RFTN2: variants seen among roughly 807,000 people sequenced by gnomAD.
The protein encoded by RFTN2 is raftlin-2.
In RFTN2, 34 loss-of-function variants were observed where a neutral mutation model predicts 52.7. That is an observed-to-expected ratio of 0.64 (90% CI 0.49 to 0.86). The LOEUF is 0.86. Among genes scored for constraint, RFTN2 ranks in the 40% least tolerant of loss-of-function variants. The pLI, the probability that RFTN2 is intolerant of heterozygous loss-of-function variation, is 0.00. For synonymous variants in RFTN2, 203 were observed against 217.7 expected, an observed-to-expected ratio of 0.93 and a Z score of 0.59; for missense variants, 536 against 600.1, an observed-to-expected ratio of 0.89 and a Z score of 1.12.
intron 5 of RFTN2, among the ~76,000 whole-genome samples, chr2:197,620,594 CATT>C (rs1223544153): frequency 1.3e-5 from 2 of 152,114 alleles, no homozygotes; most frequent in Non-Finnish European, 2.9e-5. Flanking sequence ...AGAGATAAAT[CATT>C]ATTATTATTT....
intron 3 of RFTN2, among the ~76,000 whole-genome samples, chr2:197,635,128 G>A (rs200652413): frequency 6.6e-6 from 1 of 151,630 alleles, no homozygotes; most frequent in Admixed American, 6.6e-5. Context: ...TCTTAATCCA[G>A]TCTATGATTG....
At chr2:197,656,101 G>A (rs1291036084) in intron 1 of RFTN2, among the ~76,000 whole-genome samples, 1 of 152,112 alleles carries the variant, frequency 6.6e-6, no homozygotes, top group Admixed American at 6.6e-5. Flanking sequence ...CCAGACTTCC[G>A]GGATCCAAAT....
chr2:197,573,064 G>A (rs1381667378), intron 8 of RFTN2, among the ~76,000 whole-genome samples: 2 of 150,346 alleles, frequency 1.3e-5, no homozygotes, highest in East Asian at 2.0e-4. Context: ...TTAGCAGGAT[G>A]AGAACAGACT....
At chr2:197,580,427 C>T (rs964786394) in intron 8 of RFTN2, among the ~76,000 whole-genome samples, 8 of 152,210 alleles carry the variant, frequency 5.3e-5, no homozygotes, top group African/African-American at 1.2e-4. Context: ...AAGGAATGCC[C>T]GCAGCCTGGG....
At chr2:197,611,029 T>G (rs2106205170) in intron 7 of RFTN2, among the ~76,000 whole-genome samples, 1 of 152,220 alleles carries the variant, frequency 6.6e-6, no homozygotes, top group African/African-American at 2.4e-5. Flanking sequence ...ATTTTATTGA[T>G]GAGCTTCATA....
At chr2:197,590,790 G>A (rs946060501) in intron 8 of RFTN2, among the ~76,000 whole-genome samples, 6 of 152,198 alleles carry the variant, frequency 3.9e-5, no homozygotes, top group Non-Finnish European at 7.3e-5. Flanking sequence ...CGTTCCTCCC[G>A]GTGGGTTCGT....
rs1263047328 is a variant in RFTN2, at chr2:197,606,970, C to A, written c.1154+8906G>T. ...AGAAATACTATTTGACTCAGCAATC[C>A]CATTACTGGGTATATACCCAAAGGA... On this transcript the variant is annotated intron_variant, in intron 7 of 8. Coordinates refer to ENST00000295049, the MANE Select transcript of RFTN2 (RefSeq NM_144629.3). Among the ~76,000 whole-genome samples, 4 of 152,280 alleles carry A rather than the reference C, an allele frequency of 2.6e-5. No homozygotes were observed. The South Asian group carries it at 8.3e-4, about 32-fold the overall frequency.
chr2:197,571,093 A>C lies in RFTN2; in HGVS notation c.*915T>G, dbSNP rs1198441701. Reference sequence around the variant, plus strand: ...TCGCGTGTGCTATGAGCATCTTTCTACTCCTGCCAGATTGAAAATTCTAGG... The same window carrying C: ...TCGCGTGTGCTATGAGCATCTTTCTCCTCCTGCCAGATTGAAAATTCTAGG... On this transcript the variant is annotated 3_prime_UTR_variant, in exon 9 of 9. Transcript: ENST00000295049. The C allele has an allele frequency of 6.6e-6, 1 of 152,336 alleles. No homozygotes were observed. Among genetic ancestry groups the C allele is most frequent in the Non-Finnish European group, 1.5e-5 (1 of 68,032 alleles). 9.4% of individuals were successfully genotyped at this position (152,336 alleles called of 1,614,324 possible). A position where few individuals can be genotyped will look rare whatever the true frequency, so the allele number is the denominator to read the frequency against.
At chr2:197,586,517 C>CGA (rs2087600925) in intron 8 of RFTN2, among the ~76,000 whole-genome samples, 1 of 152,232 alleles carries the variant, frequency 6.6e-6, no homozygotes. Context: ...CAGGCACATG[C>CGA]ACATTAATTT....
chr2:197,660,855 G>A (rs778251157), intron 1 of RFTN2, among the ~76,000 whole-genome samples: 4 of 151,952 alleles, frequency 2.6e-5, no homozygotes, highest in African/African-American at 4.8e-5. Flanking sequence ...CACTGCGCCC[G>A]GCCAAGTATT....
chr2:197,670,977 C>T (rs2089140337), intron 1 of RFTN2, among the ~76,000 whole-genome samples: 2 of 152,298 alleles, frequency 1.3e-5, no homozygotes, highest in South Asian at 2.1e-4. Context: ...ATATCTACCC[C>T]TTGTATCCTA....
At position 197,647,399 on chromosome 2, in the gene RFTN2, G is replaced by A. The variant is rs541313792; in HGVS notation, c.140-733C>T. 2.8e-3 allele frequency among the ~76,000 whole-genome samples: 427 copies of A among 152,028 alleles called. 1 individual carries two copies. Among genetic ancestry groups the A allele is most frequent in the Non-Finnish European group, 4.5e-3 (307 of 67,992 alleles). The stretch of plus-strand genomic sequence containing the variant: ...TGAGTTTTGTATTTTTTGTAGAGGC[G>A]AGGTTTTGCCATGTTGCCCAGGCTG... On this transcript the variant is annotated intron_variant, in intron 1 of 8. Coordinates refer to ENST00000295049, the MANE Select transcript of RFTN2 (RefSeq NM_144629.3).
intron 7 of RFTN2, among the ~76,000 whole-genome samples, chr2:197,608,939 G>C (rs1483463997): frequency 6.6e-6 from 1 of 151,994 alleles, no homozygotes; most frequent in African/African-American, 2.4e-5. Flanking sequence ...AGTTTCATCT[G>C]TGTCCCTGCA....
At chr2:197,608,637 T>C (rs886516084) in intron 7 of RFTN2, among the ~76,000 whole-genome samples, 24 of 150,238 alleles carry the variant, frequency 1.6e-4, no homozygotes, top group Admixed American at 1.5e-3. Flanking sequence ...TTTTTTTTTT[T>C]TTTTTTTTTT....
At chr2:197,615,290 C>G (rs539082432) in intron 7 of RFTN2, among the ~76,000 whole-genome samples, 1 of 152,236 alleles carries the variant, frequency 6.6e-6, no homozygotes, top group African/African-American at 2.4e-5. Context: ...CCAGGCAGGA[C>G]AGCCTTAGCA....
At chr2:197,670,264 C>T (rs568198828) in intron 1 of RFTN2, among the ~76,000 whole-genome samples, 1 of 152,154 alleles carries the variant, frequency 6.6e-6, no homozygotes, top group Non-Finnish European at 1.5e-5. Flanking sequence ...TGTGAGTATA[C>T]CACAATTTAT....
chr2:197,629,779 G>C (rs2088434999), intron 5 of RFTN2, among the ~76,000 whole-genome samples: 1 of 149,804 alleles, frequency 6.7e-6, no homozygotes, highest in East Asian at 2.0e-4. Flanking sequence ...CTAGAATGTT[G>C]TGGTGCAATC....
intron 2 of RFTN2, among the ~76,000 whole-genome samples, chr2:197,646,064 G>T (rs1005272203): frequency 3.3e-5 from 5 of 152,064 alleles, no homozygotes; most frequent in Non-Finnish European, 7.4e-5. Context: ...GATAGTTTCT[G>T]TTGCCACTAT....
chr2:197,618,619 A>G (rs7588191), intron 5 of RFTN2, among the ~76,000 whole-genome samples: 30 of 148,312 alleles, frequency 2.0e-4, no homozygotes, highest in Middle Eastern at 3.7e-3. Flanking sequence ...CTGCCCGGCC[A>G]CCATCCCATC....
Sources: gnomAD v4.1 joint callset for allele counts (sites outside exome capture counted in the v4.1 genomes callset) on GRCh38, gnomAD v4.1.1 for gene constraint, MANE v1.5 for transcripts, NCBI Gene and HGNC (gene_info 2026-07-23, HGNC 2026-07-21) for gene names.